Variants in CPNE4 observed in about 807,000 individuals in gnomAD.
CPNE4 encodes copine 4.
Under a neutral mutation model 67.9 loss-of-function variants are expected in CPNE4, and 25 were observed. The ratio of observed to expected loss-of-function variants is 0.37; its 90% CI spans 0.27 to 0.51. The LOEUF is 0.51. CPNE4 is among the 20% of genes least tolerant of loss of function. The probability of loss-of-function intolerance (pLI) is 0.93; values close to 1 mark genes in which losing one functional copy is unlikely to be tolerated. For synonymous variants in CPNE4, 242 were observed against 244.9 expected (o/e 0.99, Z 0.11); for missense variants, 464 against 690.8 (o/e 0.67, Z 3.68).
chr3:131,941,194 C>A (rs2071374714), intron 1 of CPNE4, among the ~76,000 whole-genome samples: 1 of 151,880 alleles, frequency 6.6e-6, no homozygotes, highest in Non-Finnish European at 1.5e-5. Context: ...TAAATACAAC[C>A]ATTAATAATA....
chr3:131,594,609 A>G (rs563259094), intron 7 of CPNE4, among the ~76,000 whole-genome samples: 37 of 152,342 alleles, frequency 2.4e-4, no homozygotes, highest in African/African-American at 8.2e-4. Context: ...GAAAGAATGC[A>G]TAAGGATAAA....
chr3:131,779,717 A>G (rs1407554598), intron 2 of CPNE4, among the ~76,000 whole-genome samples: 2 of 152,146 alleles, frequency 1.3e-5, no homozygotes, highest in Non-Finnish European at 2.9e-5. Context: ...GTAAAAATCT[A>G]AAACCATAAA....
intron 1 of CPNE4, among the ~76,000 whole-genome samples, chr3:131,978,072 T>C (rs1235769929): frequency 0.056 from 1,988 of 35,588 alleles, 72 homozygotes; most frequent in East Asian, 0.16. Context: ...TATATAAATA[T>C]ATATAAATAT....
chr3:131,958,498 A>G (rs574278469), intron 1 of CPNE4, among the ~76,000 whole-genome samples: 3 of 152,120 alleles, frequency 2.0e-5, no homozygotes, highest in Non-Finnish European at 4.4e-5. Context: ...GATGTTTGAG[A>G]AACACTGCAC....
intron 7 of CPNE4, among the ~76,000 whole-genome samples, chr3:131,629,546 G>C (rs1014500794): frequency 2.0e-5 from 3 of 152,048 alleles, no homozygotes; most frequent in African/African-American, 7.3e-5. Flanking sequence ...CCAGGTTCAA[G>C]CAATTCTCAT....
chr3:131,711,865 T>C (rs1583061650), intron 3 of CPNE4, among the ~76,000 whole-genome samples: 1 of 152,216 alleles, frequency 6.6e-6, no homozygotes, highest in Non-Finnish European at 1.5e-5. Flanking sequence ...CCTTAACTTA[T>C]TTGTTCTTCG....
At chr3:131,872,014 C>T (rs921125556) in intron 2 of CPNE4, among the ~76,000 whole-genome samples, 2 of 152,172 alleles carry the variant, frequency 1.3e-5, no homozygotes, top group East Asian at 3.9e-4. Context: ...ACTGACACGT[C>T]TCCATCAAGA....
intron 2 of CPNE4, among the ~76,000 whole-genome samples, chr3:131,749,615 AT>A (rs1367014185): frequency 6.6e-6 from 1 of 151,974 alleles, no homozygotes; most frequent in Admixed American, 6.6e-5. Context: ...GATTTTGTTT[AT>A]TGTAATTTGA....
chr3:131,542,182 GC>G (rs147032482), intron 15 of CPNE4, among the ~76,000 whole-genome samples: 1,988 of 152,222 alleles, frequency 0.013, 40 homozygotes, highest in African/African-American at 0.045. Flanking sequence ...CTTTGGGCAG[GC>G]ACCTTTAGGC....
intron 2 of CPNE4, among the ~76,000 whole-genome samples, chr3:131,779,460 G>T (rs1253775150): frequency 1.3e-5 from 2 of 151,914 alleles, no homozygotes; most frequent in East Asian, 3.9e-4. Flanking sequence ...AACTAAAATG[G>T]CATGGTACTC....
At chr3:131,922,260 T>TTA (rs1221166794) in intron 1 of CPNE4, among the ~76,000 whole-genome samples, 2 of 152,218 alleles carry the variant, frequency 1.3e-5, no homozygotes, top group African/African-American at 4.8e-5. Flanking sequence ...TTTTGTTCTT[T>TTA]TATATGGCTG....
intron 2 of CPNE4, among the ~76,000 whole-genome samples, chr3:131,765,365 A>C (rs2107821884): frequency 6.6e-6 from 1 of 152,252 alleles, no homozygotes; most frequent in South Asian, 2.1e-4. Flanking sequence ...GGAAGATGAG[A>C]CCATGAGACA....
intron 8 of CPNE4, 142 bp from the exon 9 acceptor site, chr3:131,581,807 G>C: frequency 1.6e-6 from 1 of 637,302 alleles, no homozygotes; most frequent in Non-Finnish European, 2.8e-6. Flanking sequence ...TGCATCTAGA[G>C]GAGCAATAGG....
rs534788906 is a variant in CPNE4 at position 132,023,247 on chromosome 3, C to T, written c.-2+11320G>A. On this transcript the variant is annotated intron_variant, in intron 1 of 15. Transcript: ENST00000429747. ...GCTTTAATGAGGCAGCAGAAGTGAT[C>T]CCTCAGCCTGCTTTCTGGGGCTTCC... Among the ~76,000 whole-genome samples, 62 of 152,202 alleles carry T rather than the reference C, an allele frequency of 4.1e-4. No individual in the cohort carries two copies. In the South Asian group the frequency reaches 0.012, roughly 30 times the overall value.
intron 1 of CPNE4, among the ~76,000 whole-genome samples, chr3:132,031,007 A>G (rs1211514225): frequency 6.6e-6 from 1 of 152,202 alleles, no homozygotes; most frequent in Admixed American, 6.5e-5. Context: ...CAAAAAATGG[A>G]TGTGTAACCC....
At chr3:131,955,900 A>G (rs2071954192) in intron 1 of CPNE4, among the ~76,000 whole-genome samples, 1 of 152,152 alleles carries the variant, frequency 6.6e-6, no homozygotes, top group African/African-American at 2.4e-5. Context: ...TAATCTGTGC[A>G]TCAGGCTCTG....
At chr3:131,687,009 C>T (rs1477347148) in intron 5 of CPNE4, among the ~76,000 whole-genome samples, 3 of 152,146 alleles carry the variant, frequency 2.0e-5, no homozygotes, top group African/African-American at 7.2e-5. Flanking sequence ...TCTATCCACA[C>T]TATTTTACGA....
chr3:131,770,717 T>C (rs2083145340), intron 2 of CPNE4, among the ~76,000 whole-genome samples: 1 of 152,228 alleles, frequency 6.6e-6, no homozygotes, highest in Non-Finnish European at 1.5e-5. Context: ...AAAGTTGATA[T>C]TCTGAGATTT....
At chr3:131,676,080 G>A (rs150905342) in intron 6 of CPNE4, among the ~76,000 whole-genome samples, 2,542 of 128,166 alleles carry the variant, frequency 0.02, 44 homozygotes, top group African/African-American at 0.047. Context: ...ATTTGAGATG[G>A]AGTCTCATTC....
Sources: gnomAD v4.1 joint callset for allele counts (sites outside exome capture counted in the v4.1 genomes callset) on GRCh38, gnomAD v4.1.1 for gene constraint, MANE v1.5 for transcripts, NCBI Gene and HGNC (gene_info 2026-07-23, HGNC 2026-07-21) for gene names.